The following TUBA3E variants were observed in gnomAD, a reference collection of about 807,000 sequenced individuals.
The protein encoded by TUBA3E is tubulin alpha-3E chain.
Under a neutral mutation model 36.7 loss-of-function variants are expected in TUBA3E, and 21 were observed. The observed-to-expected ratio is 0.57, with a 90% CI of 0.41 to 0.83. The LOEUF (loss-of-function observed/expected upper bound fraction) is 0.83, where lower values mean the gene tolerates loss of function less well. Ranked by LOEUF, TUBA3E falls within the 40% of genes least tolerant of loss-of-function variation. The probability of loss-of-function intolerance (pLI) is 0.00; values close to 1 mark genes in which losing one functional copy is unlikely to be tolerated. For missense variants in TUBA3E, 469 were observed against 604.2 expected (o/e 0.78, Z 2.35); for synonymous variants, 177 against 241.9 (o/e 0.73, Z 2.49).
chr2:130,191,765 T>G lies in TUBA3E; in HGVS notation c.*66A>C. ...AGGTCTTGGTTTTATACAGAATCTT[T>G]AATTGCAAACAACTTGAAAGCAGCC... is the stretch of plus-strand genomic sequence containing the variant. On this transcript the variant is annotated 3_prime_UTR_variant, in exon 5 of 5. Transcript: ENST00000312988. 1 of 1,562,816 alleles carries G rather than the reference T, an allele frequency of 6.4e-7. No individual in the cohort carries two copies. Among genetic ancestry groups the G allele is most frequent in the Non-Finnish European group, 8.7e-7 (1 of 1,154,508 alleles).
intron 3 of TUBA3E, among the ~76,000 whole-genome samples, chr2:130,194,830 A>C (rs2313994): frequency 2.0e-5 from 3 of 152,284 alleles, no homozygotes; most frequent in Admixed American, 6.5e-5. Flanking sequence ...GGTGTGTGCC[A>C]CCACACCCAG....
chr2:130,192,018 G>A lies in TUBA3E; in HGVS notation c.1166C>T (p.Ala389Val), dbSNP rs1187644329. 1.2e-6 allele frequency: 2 copies of A among 1,614,106 alleles called. No individual in the cohort carries two copies. Among genetic ancestry groups the A allele is most frequent in the Middle Eastern group, 1.6e-4 (1 of 6,062 alleles). ...SNTTAIAEAW[A>V]RLVHKFDLMY... ...GAGATCGAACTTATGGACCAGGCGG[G>A]CCCAGGCCTCCGCAATGGCCGTGGT... The change falls in exon 5 of 5, where the codon GCC becomes GTC. Residue 389 changes from alanine (A) to valine (V), a missense_variant. This residue lies in a region of TUBA3E where 296 missense variants were observed against 346.9 expected (regional missense o/e 0.85). Coordinates refer to ENST00000312988, the MANE Select transcript of TUBA3E (RefSeq NM_207312.3).
chr2:130,194,737 G>T (rs1219024361), intron 3 of TUBA3E, among the ~76,000 whole-genome samples: 1 of 152,130 alleles, frequency 6.6e-6, no homozygotes, highest in East Asian at 1.9e-4. Context: ...GAGTGCAGTG[G>T]TGCAATCTCA....
Position 130,192,033 on chromosome 2 carries a change from A to G in TUBA3E, c.1151T>C (p.Ile384Thr), listed in dbSNP as rs1302256904. ...GACCAGGCGGGCCCAGGCCTCCGCAATGGCCGTGGTGTTGCTCAGCATGCA... is the reference window on the plus strand; with the variant it reads ...GACCAGGCGGGCCCAGGCCTCCGCAGTGGCCGTGGTGTTGCTCAGCATGCA... ...AVCMLSNTTA[I>T]AEAWARLVHK... is the part of the protein sequence containing the mutation. Residue 384 changes from isoleucine to threonine, a missense_variant, in exon 5 of 5, where the codon ATT becomes ACT. Transcript: ENST00000312988. The G allele has an allele frequency of 6.2e-6, 10 of 1,614,006 alleles. No individual in the cohort carries two copies. Among genetic ancestry groups the G allele is most frequent in the South Asian group, 2.2e-5 (2 of 91,084 alleles).
At position 130,191,898 on chromosome 2, in the gene TUBA3E, T is replaced by C. The variant is rs1021010415; in HGVS notation, c.1286A>G (p.Glu429Gly). 1.9e-6 allele frequency: 3 copies of C among 1,613,932 alleles called. No homozygotes were observed. The African/African-American group carries it at 4.0e-5, about 22-fold the overall frequency. Reference protein sequence around the residue: ...SEAREDLAALEKDCEEVGVDS... With the variant: ...SEAREDLAALGKDCEEVGVDS... ...CACGCCCACCTCTTCACAATCCTTC[T>C]CTAGAGCTGCCAGGTCCTCGCGGGC... The change falls in exon 5 of 5, where the codon GAG becomes GGG. Residue 429 changes from glutamate to glycine, a missense_variant. Glu to Gly is a moderately conservative substitution (Grantham distance 98, BLOSUM62 -2). This residue lies in a region of TUBA3E where 296 missense variants were observed against 346.9 expected (regional missense o/e 0.85). Coordinates refer to ENST00000312988, the MANE Select transcript of TUBA3E (RefSeq NM_207312.3).
intron 4 of TUBA3E, 50 bp downstream of exon 4, chr2:130,193,736 T>C (rs750135184): frequency 2.4e-5 from 37 of 1,562,682 alleles, no homozygotes; most frequent in Non-Finnish European, 3.0e-5. Flanking sequence ...GCCAGTGTTA[T>C]TTTGTGCATC....
chr2:130,192,405 A>T (rs1690286567), intron 4 of TUBA3E, among the ~76,000 whole-genome samples: 1 of 152,184 alleles, frequency 6.6e-6, no homozygotes, highest in Non-Finnish European at 1.5e-5. Flanking sequence ...CCAGGTGAAG[A>T]CAGTCTTCCC....
chr2:130,191,757 A>G lies in TUBA3E; in HGVS notation c.*74T>C, dbSNP rs1690263343. The G allele has an allele frequency of 6.4e-7, 1 of 1,557,290 alleles. No homozygotes were observed. Among genetic ancestry groups the G allele is most frequent in the South Asian group, 1.2e-5 (1 of 80,576 alleles). The stretch of plus-strand genomic sequence containing the variant: ...ACACTCAGAGGTCTTGGTTTTATAC[A>G]GAATCTTTAATTGCAAACAACTTGA... On this transcript the variant is annotated 3_prime_UTR_variant, in exon 5 of 5. Coordinates refer to ENST00000312988, the MANE Select transcript of TUBA3E (RefSeq NM_207312.3).
At position 130,191,918 on chromosome 2, in the gene TUBA3E, G is replaced by A. The variant is rs60154251; in HGVS notation, c.1266C>T (p.Arg422=). The A allele has an allele frequency of 0.4, 637,269 of 1,610,554 alleles. 127,171 individuals are homozygous for A. Among genetic ancestry groups the A allele is most frequent in the Admixed American group, 0.46 (27,420 of 59,766 alleles). ...CCTTCTCTAGAGCTGCCAGGTCCTC[G>A]CGGGCCTCAGAGAACTCTCCCTCTT... is the stretch of plus-strand genomic sequence containing the variant. ...GMEEGEFSEA[R]EDLAALEKDC... Residue 422 remains arginine (R), a synonymous_variant, in exon 5 of 5, where the codon CGC becomes CGT. Transcript: ENST00000312988.
intron 4 of TUBA3E, 116 bp from the exon 5 acceptor site, chr2:130,192,243 C>T: frequency 7.1e-7 from 1 of 1,409,098 alleles, no homozygotes; most frequent in Non-Finnish European, 9.5e-7. Context: ...GCTCAGTTCA[C>T]CTCACAAACG....
intron 4 of TUBA3E, among the ~76,000 whole-genome samples, chr2:130,193,090 CA>C (rs34628369): frequency 0.05 from 6,770 of 134,106 alleles, 448 homozygotes; most frequent in African/African-American, 0.16. Flanking sequence ...AAGATTGTCT[CA>C]AAAAAAAAAA....
Position 130,194,171 on chromosome 2 carries a change from T to C in TUBA3E, c.671A>G (p.Tyr224Cys), listed in dbSNP as rs750862841. 4 of 1,613,642 alleles carry C rather than the reference T, an allele frequency of 2.5e-6. No homozygotes were observed. Among genetic ancestry groups the C allele is most frequent in the East Asian group, 2.2e-5 (1 of 44,874 alleles). ...CCCAATCAGGCGATTGAGGTTGGTG[T>C]ACGTGGGACGTTCAATGTCCAGGTT... ...RRNLDIERPT[Y>C]TNLNRLIGQI... is the part of the protein sequence containing the mutation. The change falls in exon 4 of 5, where the codon TAC (tyrosine) becomes TGC (cysteine). Residue 224 changes from tyrosine to cysteine, a missense_variant. Physicochemically the swap from Tyr to Cys is radical, Grantham distance 194. Coordinates refer to ENST00000312988, the MANE Select transcript of TUBA3E (RefSeq NM_207312.3).
In TUBA3E at chr2:130,194,213, T is replaced by C. The variant is rs1202641453; in HGVS notation, c.629A>G (p.Tyr210Cys). 6 of 1,612,812 alleles carry C rather than the reference T, an allele frequency of 3.7e-6. No individual in the cohort carries two copies. The highest frequency in any genetic ancestry group is 2.7e-5 in the African/African-American group (2 of 74,982). ...GTCCAGGTTGCGCCGACATATGTCA[T>C]AGATGGCTTCATTGTCGACCATGAA... The part of the protein sequence containing the change: ...CAFMVDNEAI[Y>C]DICRRNLDIE... The change falls in exon 4 of 5, where the codon TAT becomes TGT. Residue 210 changes from tyrosine to cysteine, a missense_variant. By Grantham distance (194) the Tyr-to-Cys change is radical. Transcript: ENST00000312988.
rs537012491 is a variant in TUBA3E at position 130,197,510 on chromosome 2, A to G, written c.3+848T>C. ...GCTGTCTCAAAAAAAAAAAAAAAAG[A>G]AAAGAAAAGAAAAAAGAAAAAGAAA... On this transcript the variant is annotated intron_variant, in intron 1 of 4. Transcript: ENST00000312988. Among the ~76,000 whole-genome samples the G allele has an allele frequency of 6.5e-4, 72 of 110,396 alleles. 20 individuals carry two copies. The highest frequency in any genetic ancestry group is 6.1e-3 in the Admixed American group (62 of 10,222). The allele number at this position is 110,396 out of a possible 152,430, so 72.4% of individuals were successfully genotyped here.
rs747614352 is a variant in TUBA3E at position 130,196,241 on chromosome 2, C to T, written c.134G>A (p.Gly45Glu). 1 of 1,613,880 alleles carries T rather than the reference C, an allele frequency of 6.2e-7. No homozygotes were observed. The highest frequency in any genetic ancestry group is 1.3e-5 in the African/African-American group (1 of 74,914). ...GAAGAACGTGTTGAAGGAGTCGTCC[C>T]CGCCACCAATGGTTTTATCACTTGG... ...QMPSDKTIGG[G>E]DDSFNTFFSE... Residue 45 changes from glycine to glutamate, a missense_variant, in exon 2 of 5, where the codon GGG becomes GAG. By Grantham distance (98) the Gly-to-Glu change is moderately conservative. This residue lies in a region of TUBA3E where 169 missense variants were observed against 239.0 expected (regional missense o/e 0.71). Transcript: ENST00000312988.
Position 130,193,925 on chromosome 2 carries a change from T to C in TUBA3E, c.917A>G (p.Asp306Gly), listed in dbSNP as rs1192456891. The C allele has an allele frequency of 1.5e-5, 24 of 1,614,092 alleles. No homozygotes were observed. Among genetic ancestry groups the C allele is most frequent in the Non-Finnish European group, 2.0e-5 (24 of 1,180,042 alleles). The change falls in exon 4 of 5, where the codon GAC becomes GGC. Residue 306 changes from aspartate (D) to glycine (G), a missense_variant. Physicochemically the swap from Asp to Gly is moderately conservative, Grantham distance 94 (BLOSUM62 -1). Around this residue, in one of 3 missense-constraint regions of TUBA3E, gnomAD observed 296 missense variants for 346.9 expected, o/e 0.85. Transcript: ENST00000312988. ...FEPANQMVKCDPRHGKYMACC... is the reference protein window; with the variant it reads ...FEPANQMVKCGPRHGKYMACC... ...GGCCATGTACTTGCCATGGCGAGGG[T>C]CACACTTGACCATCTGATTGGCTGG...
intron 1 of TUBA3E, among the ~76,000 whole-genome samples, chr2:130,197,603 G>A (rs1179834203): frequency 7.9e-6 from 1 of 127,280 alleles, no homozygotes. Context: ...TTATGTTAAT[G>A]GGCTGCTTTT....
chr2:130,194,752 A>T (rs1401764666), intron 3 of TUBA3E, among the ~76,000 whole-genome samples: 2 of 152,114 alleles, frequency 1.3e-5, no homozygotes, highest in African/African-American at 4.8e-5. Context: ...ATCTCAGCTC[A>T]CTGCAACCTC....
chr2:130,193,860 C>A lies in TUBA3E; in HGVS notation c.982G>T (p.Val328Phe). ...TTGATGGTGGCGATGGCCGCATTGA[C>A]GTCTTTGGGGACCACGTCCCCCCTG... Reference protein sequence around the residue: ...LYRGDVVPKDVNAAIATIKTK... With the variant: ...LYRGDVVPKDFNAAIATIKTK... Residue 328 changes from valine (V) to phenylalanine (F), a missense_variant, in exon 4 of 5, where the codon GTC becomes TTC. Val to Phe is a conservative substitution (Grantham distance 50). Transcript: ENST00000312988. 1 of 1,614,204 alleles carries A rather than the reference C, an allele frequency of 6.2e-7. No homozygotes were observed. Among genetic ancestry groups the A allele is most frequent in the Non-Finnish European group, 8.5e-7 (1 of 1,180,036 alleles).
Sources: allele counts gnomAD v4.1 joint callset (sites outside exome capture counted in the v4.1 genomes callset), GRCh38; gene constraint gnomAD v4.1.1; regional missense constraint gnomAD v4.1.1; transcripts MANE v1.5; gene names NCBI Gene and HGNC (gene_info 2026-07-23, HGNC 2026-07-21).